The following TIGAR variants were observed in gnomAD, a reference collection of about 807,000 sequenced individuals.
TIGAR encodes the protein fructose-2,6-bisphosphatase TIGAR.
A neutral mutation model predicts 17.9 loss-of-function variants in TIGAR; 7 were observed. That is an observed-to-expected ratio of 0.39 (90% confidence interval 0.22 to 0.73). The LOEUF is 0.73. TIGAR is among the 30% of genes least tolerant of loss of function. The probability of loss-of-function intolerance (pLI) is 0.42; values close to 1 mark genes in which losing one functional copy is unlikely to be tolerated. For synonymous variants in TIGAR, 94 were observed against 108.6 expected, an observed-to-expected ratio of 0.87 and a Z score of 0.84; for missense variants, 258 against 327.4, an observed-to-expected ratio of 0.79 and a Z score of 1.64.
Position 4,351,196 on chromosome 12 carries a change from G to T in TIGAR, c.271-71G>T, listed in dbSNP as rs368109736. On this transcript the variant is annotated intron_variant, in intron 4 of 5. Transcript: ENST00000179259. ...TTCCTGGGATGAATGTTCTAAATTT[G>T]CCATAAACATAAACTTAATTGTTAT... 4.3e-5 allele frequency: 60 copies of T among 1,391,574 alleles called. 1 individual carries two copies. In the South Asian group the frequency reaches 4.4e-4, roughly 10 times the overall value. The allele number at this position is 1,391,574 out of a possible 1,614,324, so 86.2% of individuals were successfully genotyped here.
At position 4,321,300 on chromosome 12, in the gene TIGAR, G is replaced by C; in HGVS notation, c.29G>C (p.Arg10Pro). 1 of 1,601,332 alleles carries C rather than the reference G, an allele frequency of 6.2e-7. No homozygotes were observed. The highest frequency in any genetic ancestry group is 8.5e-7 in the Non-Finnish European group (1 of 1,179,806). ...GCTCGCTTCGCTCTGACTGTTGTCC[G>C]GCAGTGAGTATGGCTGTGGCAGGAT... MARFALTVV[R>P]HGETRFNKEK... is the part of the protein sequence containing the mutation. The change falls in exon 1 of 6, where the codon CGG becomes CCG. Residue 10 changes from arginine (R) to proline (P), a missense_variant. By Grantham distance (103) the Arg-to-Pro change is moderately radical. Coordinates refer to ENST00000179259, the MANE Select transcript of TIGAR (RefSeq NM_020375.3). This position sits in a 1 kb window ranked among gnomAD's most constrained non-coding sequence, Gnocchi z 5.2.
rs76318618 is a variant in TIGAR, at chr12:4,326,011, A to T, written c.32+4708A>T. Among the ~76,000 whole-genome samples, 511 of 152,314 alleles carry T rather than the reference A, an allele frequency of 3.4e-3. 3 individuals are homozygous for T. The highest frequency in any genetic ancestry group is 0.012 in the African/African-American group (490 of 41,574). On this transcript the variant is annotated intron_variant, in intron 1 of 5. Coordinates refer to ENST00000179259, the MANE Select transcript of TIGAR (RefSeq NM_020375.3). ...TGAGGTTTCTGTATGATTTTTGAAG[A>T]AATGCTGCAGCGTATAAATCCAGGC...
chr12:4,333,382 C>A (rs113829455), intron 2 of TIGAR, among the ~76,000 whole-genome samples: 2,724 of 151,884 alleles, frequency 0.018, 68 homozygotes, highest in African/African-American at 0.062. Flanking sequence ...CTCTGCCTCC[C>A]GGGTTCAAGC....
At position 4,359,392 on chromosome 12, in the gene TIGAR, C is replaced by T. The variant is rs932855461; in HGVS notation, c.*6701C>T. On this transcript the variant is annotated 3_prime_UTR_variant, in exon 6 of 6. Transcript: ENST00000179259. ...TTCTTTCTGGTATTAACAATATGCTCCAGACTCATTCTTCCCGAGCCCCAG... is the reference window on the plus strand; with the variant it reads ...TTCTTTCTGGTATTAACAATATGCTTCAGACTCATTCTTCCCGAGCCCCAG... Among the ~76,000 whole-genome samples, 15 of 152,060 alleles carry T rather than the reference C, an allele frequency of 9.9e-5. No individual in the cohort carries two copies. The highest frequency in any genetic ancestry group is 9.8e-4 in the Admixed American group (15 of 15,250).
intron 3 of TIGAR, among the ~76,000 whole-genome samples, chr12:4,338,065 GGTTGCAGTGAGCCAAGATCGTGCCGTT>G (rs1329055630): frequency 1.3e-5 from 2 of 152,156 alleles, no homozygotes; most frequent in Non-Finnish European, 2.9e-5. Context: ...AGGAGGCAGA[GGTTGCAGTGAGCCAAGATCGTGCCGTT>G]GCATGGTTGG....
chr12:4,333,001 C>T (rs1170335648), intron 2 of TIGAR, among the ~76,000 whole-genome samples: 2 of 152,096 alleles, frequency 1.3e-5, no homozygotes, highest in Admixed American at 6.5e-5. Context: ...GCTTTTGTAT[C>T]GACTGAGGTT....
At chr12:4,337,291 C>CA (rs56390142) in intron 3 of TIGAR, 131 bp downstream of exon 3, 470,622 of 544,112 alleles carry the variant, frequency 0.86, 204,915 homozygotes, top group East Asian at 0.99. Flanking sequence ...CTCAGCCTCC[C>CA]AATAGCTGGG....
chr12:4,342,375 A>G (rs1864733096), intron 3 of TIGAR, among the ~76,000 whole-genome samples: 1 of 152,220 alleles, frequency 6.6e-6, no homozygotes, highest in Non-Finnish European at 1.5e-5. Context: ...AAATTCAGGA[A>G]ATACAGAGAA....
rs1218288849 is a variant in TIGAR, at chr12:4,359,950, T to G, written c.*7259T>G. On this transcript the variant is annotated 3_prime_UTR_variant, in exon 6 of 6. Coordinates refer to ENST00000179259, the MANE Select transcript of TIGAR (RefSeq NM_020375.3). Reference sequence around the variant, plus strand: ...AATTTTAACTGGTGATATGGAATGCTTTTTAATGTACAATTCTTATTGATC... The same window carrying G: ...AATTTTAACTGGTGATATGGAATGCGTTTTAATGTACAATTCTTATTGATC... Among the ~76,000 whole-genome samples the G allele has an allele frequency of 6.6e-6, 1 of 152,234 alleles. No homozygotes were observed. Among genetic ancestry groups the G allele is most frequent in the Admixed American group, 6.5e-5 (1 of 15,290 alleles).
chr12:4,326,046 A>G (rs971977281), intron 1 of TIGAR, among the ~76,000 whole-genome samples: 1 of 152,234 alleles, frequency 6.6e-6, no homozygotes, highest in Admixed American at 6.5e-5. Context: ...CTAACAAGAT[A>G]TAATGTCTTT....
chr12:4,346,583 C>T (rs1591664870), intron 3 of TIGAR, among the ~76,000 whole-genome samples: 1 of 151,746 alleles, frequency 6.6e-6, no homozygotes, highest in Non-Finnish European at 1.5e-5. Context: ...GGAAGGGGAA[C>T]ATCACACACC....
At chr12:4,351,588 GT>G (rs1263280956) in intron 5 of TIGAR, among the ~76,000 whole-genome samples, 2 of 152,196 alleles carry the variant, frequency 1.3e-5, no homozygotes, top group African/African-American at 4.8e-5. Context: ...AAGGAAAGGT[GT>G]TATTAGATGG....
intron 2 of TIGAR, among the ~76,000 whole-genome samples, chr12:4,332,587 C>A (rs975269819): frequency 6.6e-6 from 1 of 152,228 alleles, no homozygotes; most frequent in Admixed American, 6.5e-5. Flanking sequence ...TTTGCATGCC[C>A]GTAGTTTTGA....
At chr12:4,343,876 G>C (rs777415000) in intron 3 of TIGAR, among the ~76,000 whole-genome samples, 1 of 152,164 alleles carries the variant, frequency 6.6e-6, no homozygotes. Flanking sequence ...AAATAACTAA[G>C]ATCAGAGCAG....
rs1381166158 is a variant in TIGAR at position 4,354,849 on chromosome 12, A to G, written c.*2158A>G. Among the ~76,000 whole-genome samples, 1 of 148,842 alleles carries G rather than the reference A, an allele frequency of 6.7e-6. No homozygotes were observed. The highest frequency in any genetic ancestry group is 1.5e-5 in the Non-Finnish European group (1 of 67,600). On this transcript the variant is annotated 3_prime_UTR_variant, in exon 6 of 6. Coordinates refer to ENST00000179259, the MANE Select transcript of TIGAR (RefSeq NM_020375.3). ...CGGGTTCAAGCAATTCTTGTGCCTCAGCCTCCTGAGTAGCTGGGACTACAG... is the reference window on the plus strand; with the variant it reads ...CGGGTTCAAGCAATTCTTGTGCCTCGGCCTCCTGAGTAGCTGGGACTACAG...
At position 4,352,707 on chromosome 12, in the gene TIGAR, A is replaced by G. The variant is rs1372328276; in HGVS notation, c.*16A>G. ...AACTCGCTAAGGTTAAATCTGCATC[A>G]AAATCTAACCATTTTGAGCCTCTGA... On this transcript the variant is annotated 3_prime_UTR_variant, in exon 6 of 6. Transcript: ENST00000179259. 4 of 1,589,256 alleles carry G rather than the reference A, an allele frequency of 2.5e-6. No individual in the cohort carries two copies. In the South Asian group the frequency reaches 4.5e-5, roughly 18 times the overall value.
chr12:4,332,962 A>G (rs568324369), intron 2 of TIGAR, among the ~76,000 whole-genome samples: 9 of 152,160 alleles, frequency 5.9e-5, no homozygotes, highest in Non-Finnish European at 1.0e-4. Flanking sequence ...AATACTTGGA[A>G]TTCTATCCAT....
intron 1 of TIGAR, chr12:4,324,319 C>T (rs1398340390): frequency 2.3e-5 from 17 of 727,118 alleles, no homozygotes; most frequent in Non-Finnish European, 4.0e-5. Context: ...ATCCATTTAA[C>T]TTCCTTTTTT....
Position 4,356,574 on chromosome 12 carries a change from A to G in TIGAR, c.*3883A>G, listed in dbSNP as rs1038725521. On this transcript the variant is annotated 3_prime_UTR_variant, in exon 6 of 6. Coordinates refer to ENST00000179259, the MANE Select transcript of TIGAR (RefSeq NM_020375.3). ...GTTACCATCGGTGAGCCCACATTAC[A>G]CTGACATATCCACATCACCTGAAAC... Among the ~76,000 whole-genome samples, 1 of 152,092 alleles carries G rather than the reference A, an allele frequency of 6.6e-6. No individual in the cohort carries two copies. Among genetic ancestry groups the G allele is most frequent in the African/African-American group, 2.4e-5 (1 of 41,420 alleles).
Sources: allele counts gnomAD v4.1 joint callset (sites outside exome capture counted in the v4.1 genomes callset), GRCh38; gene constraint gnomAD v4.1.1; non-coding constraint Gnocchi (gnomAD v3.1); transcripts MANE v1.5; gene names NCBI Gene and HGNC (gene_info 2026-07-23, HGNC 2026-07-21).